PTCHD4: variants seen among roughly 807,000 people sequenced by gnomAD.
PTCHD4 encodes patched domain containing 4, also known as patched domain-containing protein 4.
A neutral mutation model predicts 58.1 loss-of-function variants in PTCHD4; 33 were observed. The ratio of observed to expected loss-of-function variants is 0.57; its 90% CI spans 0.43 to 0.76. PTCHD4 has a LOEUF of 0.76. Ranked by LOEUF, PTCHD4 falls within the 30% of genes least tolerant of loss-of-function variation. PTCHD4 has a pLI of 0.00. For missense variants in PTCHD4, 1,058 were observed against 1,027.1 expected (o/e 1.03, Z -0.41); for synonymous variants, 478 against 409.6 (o/e 1.17, Z -2.02).
At chr6:47,998,525 T>C (rs1768590749) in intron 4 of PTCHD4, among the ~76,000 whole-genome samples, 1 of 152,216 alleles carries the variant, frequency 6.6e-6, no homozygotes, top group Admixed American at 6.5e-5. Flanking sequence ...TTCTCATTCC[T>C]AAACTTCAGT....
chr6:47,881,528 T>C (rs776178055), intron 4 of PTCHD4, among the ~76,000 whole-genome samples: 1 of 151,680 alleles, frequency 6.6e-6, no homozygotes, highest in Non-Finnish European at 1.5e-5. Flanking sequence ...GGAATTCTCT[T>C]CTAAGAAAAC....
intron 4 of PTCHD4, among the ~76,000 whole-genome samples, chr6:48,002,494 C>A (rs1768769864): frequency 6.6e-6 from 1 of 151,454 alleles, no homozygotes; most frequent in African/African-American, 2.4e-5. Context: ...TCATTGTCAG[C>A]AAACTATCAC....
chr6:47,898,125 T>C (rs1764583720), intron 4 of PTCHD4, among the ~76,000 whole-genome samples: 1 of 151,798 alleles, frequency 6.6e-6, no homozygotes, highest in Non-Finnish European at 1.5e-5. Flanking sequence ...TTTGTATTTT[T>C]AGTAGAGACG....
intron 1 of PTCHD4, among the ~76,000 whole-genome samples, chr6:48,079,353 C>A (rs936067454): frequency 2.0e-5 from 3 of 152,010 alleles, no homozygotes; most frequent in Non-Finnish European, 4.4e-5. Context: ...TTTTATGAAG[C>A]CTTTTCTTGA....
At chr6:48,034,241 T>C (rs1427252644) in intron 3 of PTCHD4, among the ~76,000 whole-genome samples, 1 of 152,104 alleles carries the variant, frequency 6.6e-6, no homozygotes, top group East Asian at 1.9e-4. Context: ...ACAAATATAA[T>C]AGTCATGTTT....
chr6:47,881,714 G>C (rs1185404628), intron 4 of PTCHD4, among the ~76,000 whole-genome samples: 2 of 152,100 alleles, frequency 1.3e-5, no homozygotes, highest in Non-Finnish European at 2.9e-5. Context: ...TGTATATAAT[G>C]CAAATATTTG....
intron 4 of PTCHD4, among the ~76,000 whole-genome samples, chr6:47,964,866 A>T (rs1767227453): frequency 6.6e-6 from 1 of 152,154 alleles, no homozygotes; most frequent in Non-Finnish European, 1.5e-5. Context: ...TTGAAATAAC[A>T]TTTTATTTTC....
chr6:48,098,346 T>TCTTCTTCTTCTTCTTCTTCTTC (rs1221429656), intron 1 of PTCHD4, among the ~76,000 whole-genome samples: 7 of 149,762 alleles, frequency 4.7e-5, no homozygotes, highest in South Asian at 2.1e-4. Flanking sequence ...CTTCTTCTTT[T>TCTTCTTCTTCTTCTTCTTCTTC]TTTTTTTTTT....
At chr6:47,911,104 T>A (rs1209693919) in intron 4 of PTCHD4, among the ~76,000 whole-genome samples, 1 of 152,128 alleles carries the variant, frequency 6.6e-6, no homozygotes, top group East Asian at 1.9e-4. Flanking sequence ...CCATTCCCAG[T>A]TTTTCCCCTG....
intron 4 of PTCHD4, among the ~76,000 whole-genome samples, chr6:47,917,466 A>G (rs1229623654): frequency 2.0e-5 from 3 of 152,180 alleles, no homozygotes; most frequent in Non-Finnish European, 4.4e-5. Context: ...GTAGATGCTC[A>G]AAAACACAAG....
chr6:47,968,285 A>T (rs2113982642), intron 4 of PTCHD4, among the ~76,000 whole-genome samples: 1 of 152,302 alleles, frequency 6.6e-6, no homozygotes, highest in South Asian at 2.1e-4. Flanking sequence ...ATTAAGTTTG[A>T]TGTCTTACAT....
chr6:48,076,930 G>C (rs1765073264), intron 1 of PTCHD4, among the ~76,000 whole-genome samples: 1 of 152,186 alleles, frequency 6.6e-6, no homozygotes, highest in Admixed American at 6.5e-5. Flanking sequence ...CCAACGCTCA[G>C]CTATTGTTAT....
rs1763757939 is a variant in PTCHD4, at chr6:47,873,009, C to G, written c.*5294G>C. Among the ~76,000 whole-genome samples the G allele has an allele frequency of 6.6e-6, 1 of 151,612 alleles. No individual in the cohort carries two copies. The highest frequency in any genetic ancestry group is 1.5e-5 in the Non-Finnish European group (1 of 67,740). On this transcript the variant is annotated 3_prime_UTR_variant, in exon 5 of 5. Coordinates refer to ENST00000339488, the MANE Select transcript of PTCHD4 (RefSeq NM_001384253.1). Reference sequence around the variant, plus strand: ...CAAAATATAGTCAATGAGAGCCACTCTGGGAATGAATGATGCTTATGTCGG... The same window carrying G: ...CAAAATATAGTCAATGAGAGCCACTGTGGGAATGAATGATGCTTATGTCGG...
intron 3 of PTCHD4, among the ~76,000 whole-genome samples, chr6:48,048,028 A>T (rs1764101183): frequency 6.6e-6 from 1 of 151,724 alleles, no homozygotes. Context: ...TAAAAAAAAA[A>T]AAAAAAAAAA....
intron 4 of PTCHD4, among the ~76,000 whole-genome samples, chr6:47,940,438 G>A (rs1766171497): frequency 6.6e-6 from 1 of 152,148 alleles, no homozygotes; most frequent in Admixed American, 6.6e-5. Context: ...AAGAGAGAGA[G>A]AGGGAAGCAA....
intron 4 of PTCHD4, among the ~76,000 whole-genome samples, chr6:47,953,619 A>G (rs1766739093): frequency 6.6e-6 from 1 of 152,214 alleles, no homozygotes; most frequent in African/African-American, 2.4e-5. Flanking sequence ...CATAAAATGC[A>G]TTAATAGAGA....
At chr6:48,020,744 A>G (rs1333768515) in intron 3 of PTCHD4, among the ~76,000 whole-genome samples, 5 of 152,124 alleles carry the variant, frequency 3.3e-5, no homozygotes, top group Non-Finnish European at 7.4e-5. Context: ...CTGAAGAGTG[A>G]AGATACGTGC....
At chr6:47,955,228 A>T (rs1159987467) in intron 4 of PTCHD4, among the ~76,000 whole-genome samples, 1 of 152,258 alleles carries the variant, frequency 6.6e-6, no homozygotes, top group Non-Finnish European at 1.5e-5. Context: ...ATAAGGCATT[A>T]ACAGGAGCAT....
Position 48,047,309 on chromosome 6 carries a change from A to G in PTCHD4, c.417+20921T>C, listed in dbSNP as rs570653150. ...AATCCCCCTCTAATTATCACTTAGA[A>G]ACTTGCATTGCTTTGATAACCACAA... On this transcript the variant is annotated intron_variant, in intron 3 of 4. Transcript: ENST00000339488. Among the ~76,000 whole-genome samples, 4 of 151,898 alleles carry G rather than the reference A, an allele frequency of 2.6e-5. No individual in the cohort carries two copies. The South Asian group carries it at 8.3e-4, about 32-fold the overall frequency.
Sources: gnomAD v4.1 joint callset for allele counts (sites outside exome capture counted in the v4.1 genomes callset) on GRCh38, gnomAD v4.1.1 for gene constraint, MANE v1.5 for transcripts, NCBI Gene and HGNC (gene_info 2026-07-23, HGNC 2026-07-21) for gene names.